AKAP13: variants seen among roughly 807,000 people sequenced by gnomAD.
AKAP13 encodes A-kinase anchoring protein 13.
Under a neutral mutation model 264.5 loss-of-function variants are expected in AKAP13, and 80 were observed. The observed-to-expected ratio is 0.30, with a 90% CI of 0.25 to 0.36. The LOEUF is 0.36. AKAP13 is among the 10% of genes least tolerant of loss of function. AKAP13 has a pLI of 1.00. For synonymous variants in AKAP13, 1,380 were observed against 1,250.2 expected, an observed-to-expected ratio of 1.10 and a Z score of -2.19; for missense variants, 3,712 against 3,435.2, an observed-to-expected ratio of 1.08 and a Z score of -2.01.
intron 9 of AKAP13, among the ~76,000 whole-genome samples, chr15:85,644,265 T>A (rs1361316179): frequency 6.7e-6 from 1 of 149,846 alleles, no homozygotes; most frequent in African/African-American, 2.5e-5. Context: ...GAAGTTGCTC[T>A]CTGTCACCTA....
intron 1 of AKAP13, among the ~76,000 whole-genome samples, chr15:85,453,131 G>A (rs1239876391): frequency 6.6e-6 from 1 of 152,198 alleles, no homozygotes; most frequent in African/African-American, 2.4e-5. Context: ...GCTTGTTGGA[G>A]TGTGGATAAA....
chr15:85,721,799 T>A (rs1355987961), intron 23 of AKAP13, among the ~76,000 whole-genome samples, 192 bp from the exon 24 acceptor site: 3 of 152,280 alleles, frequency 2.0e-5, no homozygotes, highest in African/African-American at 7.2e-5. Context: ...TGCCATATAG[T>A]CTACCCATTT....
intron 1 of AKAP13, among the ~76,000 whole-genome samples, chr15:85,425,446 T>C (rs1345370717): frequency 6.6e-6 from 1 of 152,328 alleles, no homozygotes; most frequent in Non-Finnish European, 1.5e-5. Flanking sequence ...CTGGTCCTGG[T>C]GGCTCACACC....
intron 5 of AKAP13, among the ~76,000 whole-genome samples, chr15:85,552,786 C>A (rs191755291): frequency 6.5e-4 from 99 of 152,054 alleles, no homozygotes; most frequent in African/African-American, 2.2e-3. Flanking sequence ...TGCCACCATG[C>A]CCGGCTAATT....
At chr15:85,488,259 T>C (rs1165994177) in intron 2 of AKAP13, among the ~76,000 whole-genome samples, 1 of 152,220 alleles carries the variant, frequency 6.6e-6, no homozygotes, top group East Asian at 1.9e-4. Context: ...TAAGGCAACC[T>C]GGCATTTCTG....
chr15:85,424,978 G>C (rs2072701971), intron 1 of AKAP13, among the ~76,000 whole-genome samples: 1 of 152,118 alleles, frequency 6.6e-6, no homozygotes, highest in South Asian at 2.1e-4. Flanking sequence ...GGGCACAGTT[G>C]GTGGTGCCCT....
At chr15:85,555,426 T>C (rs1335759234) in intron 5 of AKAP13, 2 of 1,288,990 alleles carry the variant, frequency 1.6e-6, no homozygotes, top group South Asian at 2.5e-5. Context: ...TTTTTAAAGC[T>C]GTAGTATGAA....
chr15:85,507,066 T>C (rs2076247671), intron 2 of AKAP13, among the ~76,000 whole-genome samples: 1 of 152,228 alleles, frequency 6.6e-6, no homozygotes, highest in African/African-American at 2.4e-5. Flanking sequence ...TTTTCTTCCT[T>C]CTCTTTCTTT....
At chr15:85,615,642 T>C (rs1464989514) in intron 8 of AKAP13, among the ~76,000 whole-genome samples, 1 of 152,236 alleles carries the variant, frequency 6.6e-6, no homozygotes, top group African/African-American at 2.4e-5. Context: ...AATTGTTGAC[T>C]GTGGTAAACT....
chr15:85,655,499 C>A lies in AKAP13; in HGVS notation c.4457C>A (p.Ser1486Tyr). Residue 1486 changes from serine (S) to tyrosine (Y), a missense_variant, in exon 11 of 37, where the codon TCT (serine) becomes TAT (tyrosine). Physicochemically the swap from Ser to Tyr is moderately radical, Grantham distance 144 (BLOSUM62 -2). Around this residue, in one of 3 missense-constraint regions of AKAP13, gnomAD observed 2,759 missense variants for 2,411.7 expected, o/e 1.14. Coordinates refer to ENST00000394518, the MANE Select transcript of AKAP13 (RefSeq NM_007200.5). ...ACGGCTTCACTGGACCGACATTCTT[C>A]TCATGGCAGTGATGTGTCTCTCTCC... ...DDTASLDRHS[S>Y]HGSDVSLSQI... 1 of 1,614,224 alleles carries A rather than the reference C, an allele frequency of 6.2e-7. No individual in the cohort carries two copies. The highest frequency in any genetic ancestry group is 1.3e-5 in the African/African-American group (1 of 75,072).
chr15:85,565,697 G>T (rs1211417476), intron 5 of AKAP13, among the ~76,000 whole-genome samples: 6 of 152,182 alleles, frequency 3.9e-5, no homozygotes, highest in African/African-American at 1.4e-4. Context: ...TAGAATTGTA[G>T]AGCATTCAGA....
intron 2 of AKAP13, among the ~76,000 whole-genome samples, chr15:85,507,496 T>C (rs1264158714): frequency 1.3e-5 from 2 of 152,054 alleles, no homozygotes; most frequent in Non-Finnish European, 2.9e-5. Context: ...AATCCTGATA[T>C]TAGATGAAAT....
intron 3 of AKAP13, among the ~76,000 whole-genome samples, chr15:85,525,846 T>A (rs2077020822): frequency 6.6e-6 from 1 of 152,222 alleles, no homozygotes; most frequent in Non-Finnish European, 1.5e-5. Flanking sequence ...GTGTTCATTT[T>A]TATTAATGAA....
At chr15:85,690,871 T>C (rs1197621481) in intron 16 of AKAP13, among the ~76,000 whole-genome samples, 1 of 152,228 alleles carries the variant, frequency 6.6e-6, no homozygotes, top group Non-Finnish European at 1.5e-5. Context: ...AATGCATTAT[T>C]AAACATCTCT....
intron 8 of AKAP13, among the ~76,000 whole-genome samples, chr15:85,594,603 A>T (rs867486937): frequency 6.6e-6 from 1 of 152,310 alleles, no homozygotes; most frequent in Middle Eastern, 3.4e-3. Context: ...CTTAGAAAAA[A>T]CTATGTATTG....
At chr15:85,650,795 A>T (rs1324943310) in intron 10 of AKAP13, among the ~76,000 whole-genome samples, 10 of 138,188 alleles carry the variant, frequency 7.2e-5, no homozygotes, top group Non-Finnish European at 1.4e-4. Context: ...AAAAAACAAC[A>T]AAAACTGCAA....
intron 1 of AKAP13, among the ~76,000 whole-genome samples, chr15:85,403,842 C>A (rs1414455686): frequency 7.8e-6 from 1 of 127,722 alleles, no homozygotes; most frequent in Non-Finnish European, 1.6e-5. Flanking sequence ...GAGCAAAACT[C>A]CTCTCAAAAA....
intron 8 of AKAP13, among the ~76,000 whole-genome samples, chr15:85,599,383 T>C (rs2079956204): frequency 6.6e-6 from 1 of 152,224 alleles, no homozygotes; most frequent in South Asian, 2.1e-4. Flanking sequence ...TGAAAAAGAA[T>C]AGAATTTGTC....
chr15:85,736,552 C>T (rs2088530792), intron 33 of AKAP13, among the ~76,000 whole-genome samples: 4 of 152,180 alleles, frequency 2.6e-5, no homozygotes, highest in Admixed American at 2.6e-4. Flanking sequence ...TGCCTGCCAC[C>T]ATGCCCGGCT....
Sources: gnomAD v4.1 joint callset for allele counts (sites outside exome capture counted in the v4.1 genomes callset) on GRCh38, gnomAD v4.1.1 for gene constraint, gnomAD v4.1.1 regional missense constraint, MANE v1.5 for transcripts, NCBI Gene and HGNC (gene_info 2026-07-23, HGNC 2026-07-21) for gene names.